The following ACO1 variants were observed in gnomAD, a reference collection of about 807,000 sequenced individuals.
ACO1 encodes the protein aconitase 1.
A neutral mutation model predicts 105.1 loss-of-function variants in ACO1; 78 were observed. The ratio of observed to expected loss-of-function variants is 0.74; its 90% CI spans 0.62 to 0.90. The LOEUF (loss-of-function observed/expected upper bound fraction) is 0.90. Among genes scored for constraint, ACO1 ranks in the 40% least tolerant of loss-of-function variants. The pLI, the probability that ACO1 is intolerant of heterozygous loss-of-function variation, is 0.00. For missense variants in ACO1, 965 were observed against 1,111.1 expected (o/e 0.87, Z 1.87); for synonymous variants, 364 against 397.4 (o/e 0.92, Z 1.00).
intron 1 of ACO1, among the ~76,000 whole-genome samples, chr9:32,388,573 A>C (rs1486039592): frequency 6.6e-6 from 1 of 152,296 alleles, no homozygotes; most frequent in East Asian, 1.9e-4. Context: ...TACATTGTAG[A>C]GTACACTGTG....
At chr9:32,411,210 A>T (rs2118426879) in intron 4 of ACO1, among the ~76,000 whole-genome samples, 1 of 152,350 alleles carries the variant, frequency 6.6e-6, no homozygotes, top group Middle Eastern at 3.4e-3. Context: ...GTTTTGATAC[A>T]GGGAGGGCAA....
Position 32,408,707 on chromosome 9 carries a change from C to T in ACO1, c.404+56C>T, listed in dbSNP as rs1052244452. On this transcript the variant is annotated intron_variant, in intron 4 of 20. Coordinates refer to ENST00000309951, the MANE Select transcript of ACO1 (RefSeq NM_002197.3). ...CTGCTTTGTGCAAAATCTTTGAACACGAATCTTTTTAAAATGTGTATATGT... is the reference window on the plus strand; with the variant it reads ...CTGCTTTGTGCAAAATCTTTGAACATGAATCTTTTTAAAATGTGTATATGT... The T allele has an allele frequency of 7.6e-6, 12 of 1,571,702 alleles. No homozygotes were observed. In the East Asian group the frequency reaches 1.4e-4, roughly 18 times the overall value.
chr9:32,385,362 A>T (rs1397768632), intron 1 of ACO1, among the ~76,000 whole-genome samples: 26 of 152,200 alleles, frequency 1.7e-4, no homozygotes, highest in Admixed American at 1.7e-3. Flanking sequence ...TCCCTGGGGG[A>T]CAACCTCTAG....
chr9:32,396,332 C>T (rs1282743987), intron 1 of ACO1, among the ~76,000 whole-genome samples: 1 of 152,152 alleles, frequency 6.6e-6, no homozygotes, highest in Non-Finnish European at 1.5e-5. Context: ...CTGTCTTTAT[C>T]AAAGTCCTCA....
intron 12 of ACO1, among the ~76,000 whole-genome samples, chr9:32,428,086 G>A (rs911541834): frequency 4.0e-5 from 6 of 150,692 alleles, no homozygotes; most frequent in African/African-American, 1.5e-4. Context: ...ACTAGCCAGG[G>A]CAACATAGTG....
chr9:32,391,633 C>T (rs1821269258), intron 1 of ACO1, among the ~76,000 whole-genome samples: 1 of 152,212 alleles, frequency 6.6e-6, no homozygotes, highest in Non-Finnish European at 1.5e-5. Context: ...GGCCACTGCT[C>T]GCAAAACAGA....
rs1180570861 is a variant in ACO1 at position 32,451,277 on chromosome 9, TTCTGGTGAGGACACTC to T, written c.*1168_*1183del. 6.6e-6 allele frequency: 1 copy of T among 152,180 alleles called. No individual in the cohort carries two copies. The highest frequency in any genetic ancestry group is 1.9e-4 in the East Asian group (1 of 5,198). 9.4% of individuals were successfully genotyped at this position (152,180 alleles called of 1,614,324 possible). ...AGATCAAAGTTGAAGCCACTTCATT[TTCTGGTGAGGACACTC>T]TTCCTGGTTTACAGATGGCCACCTT... On this transcript the variant is annotated 3_prime_UTR_variant, in exon 21 of 21. Coordinates refer to ENST00000309951, the MANE Select transcript of ACO1 (RefSeq NM_002197.3).
chr9:32,405,369 A>T (rs1033959112), intron 1 of ACO1, 116 bp from the exon 2 acceptor site: 1 of 643,610 alleles, frequency 1.6e-6, no homozygotes, highest in African/African-American at 1.8e-5. Context: ...GTACATAGTT[A>T]AAAATGCAAA....
chr9:32,429,381 C>A (rs372506076), intron 12 of ACO1, 38 bp from the exon 13 acceptor site: 1 of 1,596,108 alleles, frequency 6.3e-7, no homozygotes, highest in African/African-American at 1.3e-5. Flanking sequence ...GAAAGTTATT[C>A]TTTTTTTGTG....
In ACO1 at chr9:32,448,881, G is replaced by A; in HGVS notation, c.2371-15G>A. ...AGATTGGAAGTATGTCTAAACTACT[G>A]TCTTTATTCATCAGGGAATCAAAGC... On this transcript the variant is annotated splice_polypyrimidine_tract_variant and intron_variant, in intron 19 of 20. Transcript: ENST00000309951. 6.2e-7 allele frequency: 1 copy of A among 1,614,080 alleles called. No homozygotes were observed.
At chr9:32,424,744 A>T in intron 10 of ACO1, 79 bp downstream of exon 10, 1 of 935,778 alleles carries the variant, frequency 1.1e-6, no homozygotes, top group Non-Finnish European at 1.7e-6. Context: ...CTTTCATCCC[A>T]CTTGACATGA....
intron 1 of ACO1, among the ~76,000 whole-genome samples, chr9:32,387,279 T>C (rs1310459887): frequency 6.6e-6 from 1 of 152,184 alleles, no homozygotes; most frequent in Non-Finnish European, 1.5e-5. Context: ...AGGCCATTGA[T>C]AGTAAGTGTC....
chr9:32,439,582 A>G lies in ACO1; in HGVS notation c.2248-883A>G, dbSNP rs1715667069. On this transcript the variant is annotated intron_variant, in intron 18 of 20. Transcript: ENST00000309951. The surrounding 1 kb of genome is among the most constrained non-coding windows in gnomAD (Gnocchi z 4.0). ...GATATTCAGATTCCCTGTGAGAAAC[A>G]AATCTGTTTGTATAAGATGTTTCTC... Among the ~76,000 whole-genome samples the G allele has an allele frequency of 6.6e-6, 1 of 152,258 alleles. No individual in the cohort carries two copies. Among genetic ancestry groups the G allele is most frequent in the South Asian group, 2.1e-4 (1 of 4,826 alleles).
chr9:32,406,301 A>G (rs548784959), intron 2 of ACO1, among the ~76,000 whole-genome samples: 1 of 15,010 alleles, frequency 6.7e-5, no homozygotes, highest in South Asian at 1.2e-3. Context: ...GTGTGTATAT[A>G]TACATGTATA....
rs180881368 is a variant in ACO1 at position 32,448,998 on chromosome 9, G to C, written c.2473G>C (p.Asp825His). The C allele has an allele frequency of 1.4e-5, 22 of 1,614,200 alleles. No individual in the cohort carries two copies. The Middle Eastern group carries it at 6.6e-4, about 48-fold the overall frequency. Residue 825 changes from aspartate to histidine, a missense_variant, in exon 20 of 21, where the codon GAT becomes CAT. Coordinates refer to ENST00000309951, the MANE Select transcript of ACO1 (RefSeq NM_002197.3). ...PLEYLPGENADALGLTGQERY... is the reference protein window; with the variant it reads ...PLEYLPGENAHALGLTGQERY... ...TGAATATCTCCCTGGTGAGAATGCA[G>C]ATGCCCTGGGGCTCACAGGGCAAGA...
rs76932292 is a variant in ACO1 at position 32,403,934 on chromosome 9, G to A, written c.-22-1551G>A. 2.4e-4 allele frequency among the ~76,000 whole-genome samples: 36 copies of A among 152,314 alleles called. No individual in the cohort carries two copies. In the East Asian group the frequency reaches 6.9e-3, roughly 29 times the overall value. ...TAAGTCTGGGGAGTATAGCATGGGTGACAAATGAAAGGGAGAGTAGCACTG... is the reference window on the plus strand; with the variant it reads ...TAAGTCTGGGGAGTATAGCATGGGTAACAAATGAAAGGGAGAGTAGCACTG... On this transcript the variant is annotated intron_variant, in intron 1 of 20. Transcript: ENST00000309951.
In ACO1 at chr9:32,450,183, C is replaced by A; in HGVS notation, c.*72C>A. On this transcript the variant is annotated 3_prime_UTR_variant, in exon 21 of 21. Coordinates refer to ENST00000309951, the MANE Select transcript of ACO1 (RefSeq NM_002197.3). The stretch of plus-strand genomic sequence containing the variant: ...GCCAGCGCAGGCCCTGGTGGAGAGG[C>A]CTCCCTGGCTGCCTCTGGGAGGGGT... 2.4e-6 allele frequency: 3 copies of A among 1,265,756 alleles called. No individual in the cohort carries two copies. Among genetic ancestry groups the A allele is most frequent in the Non-Finnish European group, 3.5e-6 (3 of 865,490 alleles). 78.4% of individuals were successfully genotyped at this position (1,265,756 alleles called of 1,614,324 possible).
rs1427037141 is a variant in ACO1, at chr9:32,433,718, C to A, written c.1852-10C>A. The A allele has an allele frequency of 6.3e-7, 1 of 1,586,346 alleles. No individual in the cohort carries two copies. The highest frequency in any genetic ancestry group is 8.5e-7 in the Non-Finnish European group (1 of 1,171,158). On this transcript the variant is annotated splice_polypyrimidine_tract_variant and intron_variant, in intron 15 of 20. Transcript: ENST00000309951. Reference sequence around the variant, plus strand: ...ATGTGATTAGATCTGCCTTTCTTTTCTTTTTTAAGACTGTGAATGAAAGCT... The same window carrying A: ...ATGTGATTAGATCTGCCTTTCTTTTATTTTTTAAGACTGTGAATGAAAGCT...
At chr9:32,437,721 A>G (rs1822392369) in intron 18 of ACO1, among the ~76,000 whole-genome samples, 1 of 152,206 alleles carries the variant, frequency 6.6e-6, no homozygotes. Flanking sequence ...GCAAAAAGTA[A>G]AAGAAAAAAA....
Sources: gnomAD v4.1 joint callset for allele counts (sites outside exome capture counted in the v4.1 genomes callset) on GRCh38, gnomAD v4.1.1 for gene constraint, Gnocchi (gnomAD v3.1) non-coding constraint, MANE v1.5 for transcripts, NCBI Gene and HGNC (gene_info 2026-07-23, HGNC 2026-07-21) for gene names.